The following CSNK1A1 variants were observed in gnomAD, a reference collection of about 807,000 sequenced individuals.
CSNK1A1 encodes casein kinase 1 alpha 1, also known as casein kinase I isoform alpha.
In CSNK1A1, 7 loss-of-function variants were observed where a neutral mutation model predicts 46.1. The ratio of observed to expected loss-of-function variants is 0.15; its 90% CI spans 0.09 to 0.29. The LOEUF is 0.29. Ranked by LOEUF, CSNK1A1 falls within the 10% of genes least tolerant of loss-of-function variation. The pLI is 1.00. For synonymous variants in CSNK1A1, 137 were observed against 141.5 expected (o/e 0.97, Z 0.23); for missense variants, 96 against 417.1 (o/e 0.23, Z 6.71).
Position 149,549,975 on chromosome 5 carries a change from A to G in CSNK1A1, c.230+100T>C, listed in dbSNP as rs144905053. ...GCTATAGGGAACCCAGGTAACTAAAACACCAAGACCCGGATTCAGCTGGTC... is the reference window on the plus strand; with the variant it reads ...GCTATAGGGAACCCAGGTAACTAAAGCACCAAGACCCGGATTCAGCTGGTC... On this transcript the variant is annotated intron_variant, in intron 2 of 9. Coordinates refer to ENST00000377843, the MANE Select transcript of CSNK1A1 (RefSeq NM_001892.6). 7.5e-4 allele frequency: 1,063 copies of G among 1,419,450 alleles called. 12 individuals are homozygous for G. The African/African-American group carries it at 0.014, about 18-fold the overall frequency. The allele number at this position is 1,419,450 out of a possible 1,614,324, so 87.9% of individuals were successfully genotyped here. A position where few individuals can be genotyped will look rare whatever the true frequency, so the allele number is the denominator to read the frequency against.
At chr5:149,544,471 T>A (rs150811166) in intron 2 of CSNK1A1, among the ~76,000 whole-genome samples, 2 of 150,120 alleles carry the variant, frequency 1.3e-5, no homozygotes. Context: ...AAGACCAGTC[T>A]GGGCAATATA....
At position 149,550,311 on chromosome 5, in the gene CSNK1A1, C is replaced by T. The variant is rs1762614680; in HGVS notation, c.124-130G>A. Reference sequence around the variant, plus strand: ...GAAGTGAAAAGCTGGAAAGAGAAAGCTCTCGGTAATTATAAAACGAGGCAA... The same window carrying T: ...GAAGTGAAAAGCTGGAAAGAGAAAGTTCTCGGTAATTATAAAACGAGGCAA... On this transcript the variant is annotated intron_variant, in intron 1 of 9. Coordinates refer to ENST00000377843, the MANE Select transcript of CSNK1A1 (RefSeq NM_001892.6). This position sits in a 1 kb window ranked among gnomAD's most constrained non-coding sequence, Gnocchi z 4.3. 15 of 1,467,042 alleles carry T rather than the reference C, an allele frequency of 1.0e-5. No homozygotes were observed. Among genetic ancestry groups the T allele is most frequent in the Non-Finnish European group, 1.3e-5 (15 of 1,114,698 alleles). The allele number at this position is 1,467,042 out of a possible 1,614,324, so 90.9% of individuals were successfully genotyped here. A position where few individuals can be genotyped will look rare whatever the true frequency, so the allele number is the denominator to read the frequency against.
chr5:149,524,346 T>C (rs762311086), intron 3 of CSNK1A1, among the ~76,000 whole-genome samples: 1 of 152,166 alleles, frequency 6.6e-6, no homozygotes, highest in Non-Finnish European at 1.5e-5. Context: ...CAAATACTGA[T>C]CAAAACAAAA....
rs758665547 is a variant in CSNK1A1, at chr5:149,507,073, C to A, written c.811G>T (p.Ala271Ser). The A allele has an allele frequency of 2.5e-6, 4 of 1,613,968 alleles. No homozygotes were observed. Among genetic ancestry groups the A allele is most frequent in the Non-Finnish European group, 3.4e-6 (4 of 1,179,928 alleles). ...NYCRGLRFEE[A>S]PDYMYLRQLF... is the part of the protein sequence containing the mutation. Reference sequence around the variant, plus strand: ...TGCCTCAGATACATGTAATCTGGGGCTTCCTCAAAGCGTAGCCCACGACAA... The same window carrying A: ...TGCCTCAGATACATGTAATCTGGGGATTCCTCAAAGCGTAGCCCACGACAA... The change falls in exon 8 of 10, where the codon GCC becomes TCC. Residue 271 changes from alanine to serine, a missense_variant. Ala to Ser is a moderately conservative substitution (Grantham distance 99, BLOSUM62 1). Transcript: ENST00000377843.
intron 9 of CSNK1A1, chr5:149,497,334 T>A: frequency 2.0e-6 from 2 of 987,128 alleles, no homozygotes; most frequent in South Asian, 9.3e-5. Context: ...CTGTATTATT[T>A]TACTAAACAA....
At chr5:149,522,937 T>C (rs1434698776) in intron 3 of CSNK1A1, among the ~76,000 whole-genome samples, 1 of 152,136 alleles carries the variant, frequency 6.6e-6, no homozygotes, top group Non-Finnish European at 1.5e-5. Context: ...AGGCTCTCAA[T>C]ACATGTTCAA....
intron 9 of CSNK1A1, 104 bp downstream of exon 9, chr5:149,505,343 T>C (rs1277682868): frequency 2.0e-6 from 3 of 1,465,726 alleles, no homozygotes; most frequent in East Asian, 2.3e-5. Flanking sequence ...CAAATTTTTA[T>C]GTATTTTAAA....
intron 9 of CSNK1A1, chr5:149,503,763 AAC>A: frequency 2.0e-6 from 2 of 985,402 alleles, no homozygotes; most frequent in Non-Finnish European, 1.2e-6. Flanking sequence ...ACAGTAAACT[AAC>A]AAAGAAACTA....
chr5:149,547,276 C>T (rs1762511863), intron 2 of CSNK1A1, among the ~76,000 whole-genome samples: 1 of 152,210 alleles, frequency 6.6e-6, no homozygotes, highest in African/African-American at 2.4e-5. Context: ...TCTGCACTCA[C>T]CACCTTATAA....
chr5:149,545,290 A>C (rs1485079600), intron 2 of CSNK1A1: 1 of 274,858 alleles, frequency 3.6e-6, no homozygotes, highest in East Asian at 7.1e-5. Context: ...GTTTATTTGT[A>C]CTAATAGCAC....
chr5:149,542,667 T>TAC (rs1762331970), intron 2 of CSNK1A1, among the ~76,000 whole-genome samples: 1 of 11,554 alleles, frequency 8.7e-5, no homozygotes, highest in African/African-American at 3.8e-4. Context: ...TATATATATA[T>TAC]ATATGTATAT....
chr5:149,521,799 T>C (rs1407202191), intron 3 of CSNK1A1, among the ~76,000 whole-genome samples: 1 of 151,952 alleles, frequency 6.6e-6, no homozygotes, highest in Non-Finnish European at 1.5e-5. Flanking sequence ...TTATTTTTAG[T>C]AGAGACAGGG....
At chr5:149,529,847 T>C (rs528805555) in intron 2 of CSNK1A1, 18 of 407,960 alleles carry the variant, frequency 4.4e-5, no homozygotes, top group Admixed American at 2.6e-4. Flanking sequence ...GACAATGACA[T>C]GGTTACCAAT....
At chr5:149,496,890 T>A (rs936279713) in intron 9 of CSNK1A1, 30 bp from the exon 10 acceptor site, 2 of 1,534,924 alleles carry the variant, frequency 1.3e-6, no homozygotes, top group Non-Finnish European at 1.7e-6. Context: ...AAAAAAAAGT[T>A]AAAATTCCAA....
At chr5:149,537,439 C>T (rs1304616314) in intron 2 of CSNK1A1, among the ~76,000 whole-genome samples, 1 of 152,004 alleles carries the variant, frequency 6.6e-6, no homozygotes, top group Non-Finnish European at 1.5e-5. Context: ...CAAGACAATA[C>T]CATTTCCTAC....
intron 4 of CSNK1A1, chr5:149,518,016 T>C: frequency 3.7e-6 from 2 of 546,104 alleles, no homozygotes; most frequent in Non-Finnish European, 6.6e-6. Context: ...CCAAGCACTG[T>C]AGCTTCTCAG....
At chr5:149,540,213 T>G (rs116977155) in intron 2 of CSNK1A1, among the ~76,000 whole-genome samples, 3,662 of 152,270 alleles carry the variant, frequency 0.024, 76 homozygotes, top group East Asian at 0.091. Context: ...AATTATAGAA[T>G]TCATTCTATT....
At chr5:149,501,675 T>C (rs1195219600) in intron 9 of CSNK1A1, 2 of 985,274 alleles carry the variant, frequency 2.0e-6, no homozygotes, top group Non-Finnish European at 2.4e-6. Context: ...TACAGAATAG[T>C]AGAATTATCC....
chr5:149,530,407 A>G (rs1761857328), intron 2 of CSNK1A1, among the ~76,000 whole-genome samples: 1 of 152,218 alleles, frequency 6.6e-6, no homozygotes, highest in Non-Finnish European at 1.5e-5. Context: ...GTCGTTTGCC[A>G]ATCTTTCGGT....
Sources: allele counts gnomAD v4.1 joint callset (sites outside exome capture counted in the v4.1 genomes callset), GRCh38; gene constraint gnomAD v4.1.1; non-coding constraint Gnocchi (gnomAD v3.1); transcripts MANE v1.5; gene names NCBI Gene and HGNC (gene_info 2026-07-23, HGNC 2026-07-21).